The following PSIP1 variants were observed in gnomAD, a reference collection of about 807,000 sequenced individuals.
PSIP1 encodes the protein PC4 and SRSF1 interacting protein 1.
Under a neutral mutation model 74.7 loss-of-function variants are expected in PSIP1, and 19 were observed. That is an observed-to-expected ratio of 0.25 (90% confidence interval 0.18 to 0.37). The LOEUF (loss-of-function observed/expected upper bound fraction) is 0.37. Ranked by LOEUF, PSIP1 falls within the 10% of genes least tolerant of loss-of-function variation. The pLI is 1.00. For synonymous variants in PSIP1, 222 were observed against 195.3 expected, an observed-to-expected ratio of 1.14 and a Z score of -1.14; for missense variants, 601 against 614.3, an observed-to-expected ratio of 0.98 and a Z score of 0.23.
intron 4 of PSIP1, among the ~76,000 whole-genome samples, chr9:15,488,219 C>A (rs749495650): frequency 6.6e-6 from 1 of 152,014 alleles, no homozygotes; most frequent in Non-Finnish European, 1.5e-5. Flanking sequence ...GTAATCCCAG[C>A]TACTCAGGAG....
intron 6 of PSIP1, 130 bp from the exon 7 acceptor site, chr9:15,479,817 T>C: frequency 1.9e-6 from 1 of 517,326 alleles, no homozygotes; most frequent in Non-Finnish European, 3.3e-6. Context: ...TATGATCTTT[T>C]GTTTTTTCAA....
intron 14 of PSIP1, 124 bp downstream of exon 14, chr9:15,468,506 T>G: frequency 9.5e-7 from 1 of 1,049,866 alleles, no homozygotes; most frequent in Non-Finnish European, 1.5e-6. Context: ...TTTCACCATT[T>G]TGCCTTTGTA....
intron 6 of PSIP1, among the ~76,000 whole-genome samples, chr9:15,484,721 C>T (rs1035020745): frequency 2.7e-5 from 4 of 150,270 alleles, no homozygotes; most frequent in Non-Finnish European, 5.9e-5. Context: ...TGTGAGAATC[C>T]GTCTCAAAAC....
chr9:15,482,225 G>C (rs1039692409), intron 6 of PSIP1, among the ~76,000 whole-genome samples: 1 of 151,986 alleles, frequency 6.6e-6, no homozygotes, highest in African/African-American at 2.4e-5. Flanking sequence ...AAATCCTCAA[G>C]AGAGGTTACT....
intron 8 of PSIP1, among the ~76,000 whole-genome samples, chr9:15,478,215 CTATTA>C (rs1191570995): frequency 6.7e-6 from 1 of 150,162 alleles, no homozygotes; most frequent in African/African-American, 2.4e-5. Flanking sequence ...CCCAATTTCT[CTATTA>C]TATATTTTAT....
Position 15,464,304 on chromosome 9 carries a change from G to T in PSIP1, c.*1216C>A, listed in dbSNP as rs1220304537. The T allele has an allele frequency of 6.7e-5, 13 of 194,472 alleles. No homozygotes were observed. Among genetic ancestry groups the T allele is most frequent in the African/African-American group, 2.8e-4 (12 of 43,186 alleles). The allele number at this position is 194,472 out of a possible 1,614,324, so 12.0% of individuals were successfully genotyped here. A position where few individuals can be genotyped will look rare whatever the true frequency, so the allele number is the denominator to read the frequency against. On this transcript the variant is annotated 3_prime_UTR_variant, in exon 16 of 16. Coordinates refer to ENST00000380733, the MANE Select transcript of PSIP1 (RefSeq NM_033222.5). ...GGTCAACCACACAATGTCATACAGA[G>T]ACGCTGGTCTTAAGCCATTTTTTTC...
At chr9:15,470,728 A>C in intron 10 of PSIP1, 1 of 956,282 alleles carries the variant, frequency 1.0e-6, no homozygotes, top group Non-Finnish European at 1.3e-6. Flanking sequence ...GATTAAAAAA[A>C]CATTTATTAA....
In PSIP1 at chr9:15,510,274, C is replaced by A. The variant is rs2037799262; in HGVS notation, c.-86G>T. ...GGGGATGCGGGCGGCGGACGCGGGC[C>A]CAGCTACCGGGCCCGCGGGCGGGGG... On this transcript the variant is annotated 5_prime_UTR_variant, in exon 2 of 16. Coordinates refer to ENST00000380733, the MANE Select transcript of PSIP1 (RefSeq NM_033222.5). 1 of 1,245,742 alleles carries A rather than the reference C, an allele frequency of 8.0e-7. No individual in the cohort carries two copies. The highest frequency in any genetic ancestry group is 1.1e-6 in the Non-Finnish European group (1 of 902,840). The allele number at this position is 1,245,742 out of a possible 1,614,324, so 77.2% of individuals were successfully genotyped here.
At chr9:15,485,833 A>AT (rs1392938438) in intron 6 of PSIP1, 173 bp downstream of exon 6, 1 of 537,832 alleles carries the variant, frequency 1.9e-6, no homozygotes, top group African/African-American at 1.9e-5. Flanking sequence ...AGGGTGCTAT[A>AT]TCACTAAGAA....
chr9:15,470,383 ATG>A (rs2035772335), intron 10 of PSIP1, among the ~76,000 whole-genome samples: 2 of 152,128 alleles, frequency 1.3e-5, no homozygotes, highest in African/African-American at 4.8e-5. Flanking sequence ...AAGCAGATTA[ATG>A]AGTTCTGAAG....
At chr9:15,501,115 A>G (rs2037322853) in intron 3 of PSIP1, among the ~76,000 whole-genome samples, 1 of 152,186 alleles carries the variant, frequency 6.6e-6, no homozygotes, top group South Asian at 2.1e-4. Flanking sequence ...TGACAAAGAA[A>G]AAAAACACAA....
At chr9:15,499,502 C>G (rs1003251461) in intron 3 of PSIP1, among the ~76,000 whole-genome samples, 2 of 152,300 alleles carry the variant, frequency 1.3e-5, no homozygotes, top group Admixed American at 6.5e-5. Flanking sequence ...TCTCTTAATT[C>G]ACTTTTTGTG....
chr9:15,500,417 A>G (rs375634997), intron 3 of PSIP1, among the ~76,000 whole-genome samples: 12 of 151,886 alleles, frequency 7.9e-5, no homozygotes, highest in African/African-American at 2.9e-4. Context: ...TTGAGCGGAG[A>G]TTGCGCCACT....
At chr9:15,475,721 A>G (rs1306215612) in intron 8 of PSIP1, among the ~76,000 whole-genome samples, 2 of 152,176 alleles carry the variant, frequency 1.3e-5, no homozygotes, top group African/African-American at 4.8e-5. Flanking sequence ...GTGTGAAATA[A>G]TCTTTGTGCC....
At chr9:15,470,121 C>G in intron 10 of PSIP1, 128 bp from the exon 11 acceptor site, 1 of 696,536 alleles carries the variant, frequency 1.4e-6, no homozygotes, top group Non-Finnish European at 2.5e-6. Context: ...AAGGAACTGA[C>G]TGTAGCTCTT....
At chr9:15,502,966 T>C (rs1046887513) in intron 3 of PSIP1, among the ~76,000 whole-genome samples, 10 of 152,234 alleles carry the variant, frequency 6.6e-5, no homozygotes, top group African/African-American at 2.2e-4. Flanking sequence ...AAATTAACAA[T>C]TAAAAAACCT....
rs969630696 is a variant in PSIP1, at chr9:15,479,771, T to C, written c.457-84A>G. The C allele has an allele frequency of 6.9e-6, 7 of 1,016,962 alleles. No homozygotes were observed. The Admixed American group carries it at 1.2e-4, about 17-fold the overall frequency. The allele number at this position is 1,016,962 out of a possible 1,614,324, so 63.0% of individuals were successfully genotyped here. ...TCGATGGCAAAAATATGCCAGTCTA[T>C]GGTAACGTTGAGTTCAAGTATAGAT... is the stretch of plus-strand genomic sequence containing the variant. On this transcript the variant is annotated intron_variant, in intron 6 of 15. Transcript: ENST00000380733.
intron 8 of PSIP1, among the ~76,000 whole-genome samples, chr9:15,475,073 C>A (rs922916190): frequency 6.6e-6 from 1 of 152,094 alleles, no homozygotes; most frequent in African/African-American, 2.4e-5. Flanking sequence ...ATCTCAATTC[C>A]AAATCCATTA....
At chr9:15,485,175 CA>C (rs2036506514) in intron 6 of PSIP1, among the ~76,000 whole-genome samples, 1 of 152,102 alleles carries the variant, frequency 6.6e-6, no homozygotes, top group Admixed American at 6.6e-5. Context: ...GTCTTTAGGA[CA>C]ACATCAGGTT....
Sources: allele counts gnomAD v4.1 joint callset (sites outside exome capture counted in the v4.1 genomes callset), GRCh38; gene constraint gnomAD v4.1.1; transcripts MANE v1.5; gene names NCBI Gene and HGNC (gene_info 2026-07-23, HGNC 2026-07-21).